The following OR3A2 variants were observed in gnomAD, a reference collection of about 807,000 sequenced individuals.
OR3A2 encodes olfactory receptor 3A2.
For missense variants in OR3A2, 318 were observed against 392.8 expected, an observed-to-expected ratio of 0.81 and a Z score of 1.61; for synonymous variants, 126 against 159.3, an observed-to-expected ratio of 0.79 and a Z score of 1.57.
At chr17:3,342,848 T>C (rs768991400) in intron 2 of OR3A2, among the ~76,000 whole-genome samples, 6 of 152,198 alleles carry the variant, frequency 3.9e-5, no homozygotes, top group African/African-American at 7.2e-5. Context: ...TCTGCAGAAG[T>C]TTCTGCTGCC....
In OR3A2 at chr17:3,281,110, T is replaced by C. The variant is rs2048774086; in HGVS notation, c.-6-2187A>G. Among the ~76,000 whole-genome samples, 5 of 152,292 alleles carry C rather than the reference T, an allele frequency of 3.3e-5. No individual in the cohort carries two copies. In the South Asian group the frequency reaches 1.0e-3, roughly 32 times the overall value. On this transcript the variant is annotated intron_variant, in intron 1 of 1. Coordinates refer to ENST00000642052, the Ensembl canonical transcript of OR3A2. The stretch of plus-strand genomic sequence containing the variant: ...ACTCACAATCCTGGAACAAGTGACT[T>C]ACAGCCAGTATCAACCTTGGCTGCA...
chr17:3,360,054 C>T (rs1412206238), intron 2 of OR3A2, among the ~76,000 whole-genome samples: 1 of 151,744 alleles, frequency 6.6e-6, no homozygotes, highest in African/African-American at 2.4e-5. Context: ...AAAAGTGTTC[C>T]TATTTCTCCA....
chr17:3,338,646 C>T (rs960305508), intron 2 of OR3A2, among the ~76,000 whole-genome samples: 1 of 152,128 alleles, frequency 6.6e-6, no homozygotes, highest in East Asian at 1.9e-4. Flanking sequence ...GTTTTGGTAC[C>T]AGTACCATGC....
rs1421284167 is a variant in OR3A2, at chr17:3,330,875, A to G, written c.-85+5158T>C. ...CCGGTTGTTCCTTTCCATGTTTAGCACTTCCTTCAGGAGCTCTTTTAGGGC... is the reference window on the plus strand; with the variant it reads ...CCGGTTGTTCCTTTCCATGTTTAGCGCTTCCTTCAGGAGCTCTTTTAGGGC... On this transcript the variant is annotated intron_variant, in intron 3 of 4. Coordinates refer to the OR3A2 transcript ENST00000573491. Among the ~76,000 whole-genome samples the G allele has an allele frequency of 4.0e-5, 6 of 151,198 alleles. No individual in the cohort carries two copies. The East Asian group carries it at 1.2e-3, about 29-fold the overall frequency.
upstream of OR3A2, among the ~76,000 whole-genome samples, chr17:3,288,621 C>T (rs2150620087): frequency 6.6e-6 from 1 of 152,254 alleles, no homozygotes; most frequent in African/African-American, 2.4e-5. Context: ...AGTATTTCAT[C>T]TAGTTTTCAA....
chr17:3,283,524 C>T (rs1203110221), intron 1 of OR3A2, among the ~76,000 whole-genome samples: 2 of 152,146 alleles, frequency 1.3e-5, no homozygotes, highest in Admixed American at 6.5e-5. Flanking sequence ...TGCGCCCGGC[C>T]GGTATCCAAT....
chr17:3,366,568 G>C (rs1067089), intron 2 of OR3A2, among the ~76,000 whole-genome samples: 105,696 of 152,112 alleles, frequency 0.69, 38,339 homozygotes, highest in East Asian at 1. Context: ...AGAAAAAACA[G>C]AAGTATGATT....
At chr17:3,345,208 C>G (rs2049352152) in intron 2 of OR3A2, among the ~76,000 whole-genome samples, 1 of 152,100 alleles carries the variant, frequency 6.6e-6, no homozygotes. Context: ...GGATTTATCT[C>G]TCAGGGAGCT....
intron 2 of OR3A2, among the ~76,000 whole-genome samples, chr17:3,351,286 T>C (rs1315735111): frequency 8.0e-5 from 7 of 87,270 alleles, no homozygotes; most frequent in African/African-American, 2.4e-4. Flanking sequence ...GAAAACCCCA[T>C]TGTGTCAGCC....
At chr17:3,278,375 G>A in exon 2 of OR3A2, 3 of 1,614,258 alleles carry the variant, frequency 1.9e-6, no homozygotes, top group Non-Finnish European at 2.5e-6. Context: ...GGAGGTCACA[G>A]TAGAAGTGAT....
chr17:3,343,684 T>C (rs141132077), intron 2 of OR3A2, among the ~76,000 whole-genome samples: 3 of 152,096 alleles, frequency 2.0e-5, no homozygotes, highest in African/African-American at 7.2e-5. Flanking sequence ...TTGGAGGGAG[T>C]ACACCCAGGA....
intron 2 of OR3A2, among the ~76,000 whole-genome samples, chr17:3,340,738 C>T (rs2049309707): frequency 4.8e-5 from 1 of 20,742 alleles, no homozygotes; most frequent in African/African-American, 2.1e-4. Flanking sequence ...AATGTATATT[C>T]TGTTGACTTG....
At chr17:3,301,676 T>C (rs2048967226) in intron 3 of OR3A2, among the ~76,000 whole-genome samples, 10 of 152,218 alleles carry the variant, frequency 6.6e-5, no homozygotes, top group Admixed American at 6.5e-4. Context: ...TCTTTTGCTG[T>C]GCAGAAGCTC....
At chr17:3,359,410 G>A (rs1412524760) in intron 2 of OR3A2, among the ~76,000 whole-genome samples, 2 of 151,678 alleles carry the variant, frequency 1.3e-5, no homozygotes, top group African/African-American at 4.9e-5. Context: ...TTAGCTGGCA[G>A]TAGTCTTTCC....
chr17:3,384,221 A>G (rs2049761319), intron 1 of OR3A2, among the ~76,000 whole-genome samples: 1 of 152,136 alleles, frequency 6.6e-6, no homozygotes, highest in African/African-American at 2.4e-5. Context: ...AATGGGAGAA[A>G]AGAATGTGGT....
chr17:3,317,474 T>A (rs1456635021), intron 3 of OR3A2, among the ~76,000 whole-genome samples: 3 of 152,294 alleles, frequency 2.0e-5, no homozygotes, highest in South Asian at 4.1e-4. Flanking sequence ...ACGCACCTTG[T>A]TGCATTAAGT....
chr17:3,306,913 CTT>C (rs769826388), intron 3 of OR3A2, among the ~76,000 whole-genome samples: 59 of 152,330 alleles, frequency 3.9e-4, no homozygotes, highest in African/African-American at 1.4e-3. Flanking sequence ...GAGTGTCACT[CTT>C]ATACTTCCAA....
At position 3,367,601 on chromosome 17, in the gene OR3A2, G is replaced by GTATATATATTATATATATATATA. The variant is rs1555530076; in HGVS notation, c.-179+16202_-179+16203insTATATATATATATAATATATATA. Reference sequence around the variant, plus strand: ...TGTATATGTATATGTGTGTGTGTGTGTATATATATATATATATATATGCCA... The same window carrying GTATATATATTATATATATATATA: ...TGTATATGTATATGTGTGTGTGTGTGTATATATATTATATATATATATATATATATATATATATATATATGCCA... On this transcript the variant is annotated intron_variant, in intron 2 of 4. Transcript: ENST00000573491. Among the ~76,000 whole-genome samples the GTATATATATTATATATATATATA allele has an allele frequency of 2.4e-4, 29 of 122,534 alleles. 1 individual carries two copies. The highest frequency in any genetic ancestry group is 2.1e-3 in the South Asian group (8 of 3,820). 80.4% of individuals were successfully genotyped at this position (122,534 alleles called of 152,430 possible). A position where few individuals can be genotyped will look rare whatever the true frequency, so the allele number is the denominator to read the frequency against.
chr17:3,362,490 GTTCTT>G (rs1233008181), intron 2 of OR3A2, among the ~76,000 whole-genome samples: 2 of 151,642 alleles, frequency 1.3e-5, no homozygotes, highest in African/African-American at 4.9e-5. Context: ...TGCTTCTCTA[GTTCTT>G]TTCATTGTGA....
Sources: gnomAD v4.1 joint callset for allele counts (sites outside exome capture counted in the v4.1 genomes callset) on GRCh38, gnomAD v4.1.1 for gene constraint, MANE v1.5 for transcripts, NCBI Gene and HGNC (gene_info 2026-07-23, HGNC 2026-07-21) for gene names.